SLC9C2: variants seen among roughly 807,000 people sequenced by gnomAD.
The protein encoded by SLC9C2 is solute carrier family 9 member C2 (putative), also known as sodium/hydrogen exchanger 11.
A neutral mutation model predicts 140.2 loss-of-function variants in SLC9C2; 75 were observed. The ratio of observed to expected loss-of-function variants is 0.53; its 90% CI spans 0.44 to 0.65. The LOEUF is 0.65. Ranked by LOEUF, SLC9C2 falls within the 30% of genes least tolerant of loss-of-function variation. The pLI is 0.00. For missense variants in SLC9C2, 1,074 were observed against 1,331.8 expected, an observed-to-expected ratio of 0.81 and a Z score of 3.01; for synonymous variants, 375 against 420.9, an observed-to-expected ratio of 0.89 and a Z score of 1.34.
intron 4 of SLC9C2, among the ~76,000 whole-genome samples, chr1:173,596,985 G>A (rs1173971977): frequency 1.3e-5 from 2 of 151,930 alleles, no homozygotes; most frequent in Non-Finnish European, 2.9e-5. Context: ...AGTGATAGTG[G>A]AAACTTGTTA....
At chr1:173,574,583 T>C (rs1665043500) in intron 8 of SLC9C2, among the ~76,000 whole-genome samples, 1 of 144,654 alleles carries the variant, frequency 6.9e-6, no homozygotes, top group Admixed American at 7.1e-5. Flanking sequence ...CGATCTCGGC[T>C]CACTGCAAGC....
At chr1:173,545,281 T>A (rs1340756786) in intron 13 of SLC9C2, among the ~76,000 whole-genome samples, 2 of 152,122 alleles carry the variant, frequency 1.3e-5, no homozygotes, top group Non-Finnish European at 2.9e-5. Context: ...TGTGCTAGAT[T>A]GGACAAAAAG....
At position 173,541,262 on chromosome 1, in the gene SLC9C2, C is replaced by T. The variant is rs370524389; in HGVS notation, c.1558-4223G>A. 3.5e-4 allele frequency among the ~76,000 whole-genome samples: 53 copies of T among 151,876 alleles called. No individual in the cohort carries two copies. In the Middle Eastern group the frequency reaches 0.01, roughly 29 times the overall value. On this transcript the variant is annotated intron_variant, in intron 13 of 27. Transcript: ENST00000367714. The stretch of plus-strand genomic sequence containing the variant: ...CAACAAACATCAAAAGAGACAAAGG[C>T]GGCCATTACATAATGGTAAAGGGAT...
chr1:173,502,297 A>AT (rs1659338213), intron 27 of SLC9C2, among the ~76,000 whole-genome samples: 1 of 149,406 alleles, frequency 6.7e-6, no homozygotes, highest in Non-Finnish European at 1.5e-5. Context: ...AAAAAAAAAA[A>AT]GCTGTTTATT....
chr1:173,501,002 T>C lies in SLC9C2; in HGVS notation c.*92A>G. The C allele has an allele frequency of 7.5e-7, 1 of 1,341,798 alleles. No individual in the cohort carries two copies. Among genetic ancestry groups the C allele is most frequent in the Non-Finnish European group, 9.7e-7 (1 of 1,026,106 alleles). The allele number at this position is 1,341,798 out of a possible 1,614,324, so 83.1% of individuals were successfully genotyped here. On this transcript the variant is annotated 3_prime_UTR_variant, in exon 28 of 28. Transcript: ENST00000367714. ...AAACTCCTTGCAGATAATCCTTTAG[T>C]ATTTGAGCGAGGAAAGTAGTTTGGT...
intron 9 of SLC9C2, among the ~76,000 whole-genome samples, chr1:173,559,542 A>G (rs899587436): frequency 6.6e-6 from 1 of 152,128 alleles, no homozygotes; most frequent in Non-Finnish European, 1.5e-5. Flanking sequence ...AGCACTGCAG[A>G]TCCCTTGAGG....
chr1:173,583,799 T>A (rs942141625), intron 5 of SLC9C2, among the ~76,000 whole-genome samples, 177 bp from the exon 6 acceptor site: 1 of 152,252 alleles, frequency 6.6e-6, no homozygotes, highest in Admixed American at 6.5e-5. Context: ...TTCTATATTG[T>A]GCCTCCTGCA....
At chr1:173,585,946 G>A (rs368235650) in intron 5 of SLC9C2, among the ~76,000 whole-genome samples, 7 of 151,702 alleles carry the variant, frequency 4.6e-5, no homozygotes, top group Admixed American at 4.6e-4. Flanking sequence ...CCAGCCTGGG[G>A]TATAGAGCGA....
intron 21 of SLC9C2, among the ~76,000 whole-genome samples, chr1:173,522,283 C>T (rs1313326565): frequency 6.6e-6 from 1 of 151,890 alleles, no homozygotes; most frequent in Non-Finnish European, 1.5e-5. Flanking sequence ...GAGGACTTTA[C>T]AGCAGACAGG....
Position 173,517,637 on chromosome 1 carries a change from A to G in SLC9C2, c.2807T>C (p.Met936Thr). 12 of 1,614,058 alleles carry G rather than the reference A, an allele frequency of 7.4e-6. No homozygotes were observed. Among genetic ancestry groups the G allele is most frequent in the Non-Finnish European group, 1.0e-5 (12 of 1,179,988 alleles). Residue 936 changes from methionine (M) to threonine (T), a missense_variant, in exon 23 of 28, where the codon ATG (methionine) becomes ACG (threonine). Transcript: ENST00000367714. ...CCCAGTAGTACAGAACTCTGTAAAC[A>G]TGTCTCTGGACCCTCTATCACACCT... is the stretch of plus-strand genomic sequence containing the variant. ...NQRCDRGSRD[M>T]FTEFCTTGDI...
chr1:173,534,906 T>C (rs1571493802), intron 15 of SLC9C2, among the ~76,000 whole-genome samples: 2 of 151,952 alleles, frequency 1.3e-5, no homozygotes, highest in Non-Finnish European at 2.9e-5. Context: ...AGAAGCATTT[T>C]TAAAACTCAA....
chr1:173,597,982 A>G lies in SLC9C2; in HGVS notation c.279T>C (p.Tyr93=), dbSNP rs1558102373. 1 of 1,598,946 alleles carries G rather than the reference A, an allele frequency of 6.3e-7. No homozygotes were observed. Among genetic ancestry groups the G allele is most frequent in the Admixed American group, 1.7e-5 (1 of 57,288 alleles). ...ATATAATTAAAGGTGAAAAGTAAGA[A>G]TAAAGTGAAAAACTTGATGTTCTTA... ...PLLRTSSFSL[Y]SYFSPLIIFM... Residue 93 remains tyrosine, a synonymous_variant, in exon 4 of 28, where the codon TAT becomes TAC. Transcript: ENST00000367714.
At chr1:173,532,647 T>A (rs1408888554) in intron 17 of SLC9C2, among the ~76,000 whole-genome samples, 1 of 152,156 alleles carries the variant, frequency 6.6e-6, no homozygotes, top group Non-Finnish European at 1.5e-5. Context: ...TGTATTTGGG[T>A]TACCCTGCTT....
rs762640428 is a variant in SLC9C2 at position 173,576,698 on chromosome 1, A to C, written c.865T>G (p.Leu289Val). The C allele has an allele frequency of 1.4e-5, 23 of 1,611,494 alleles. No individual in the cohort carries two copies. Among genetic ancestry groups the C allele is most frequent in the Non-Finnish European group, 2.0e-5 (23 of 1,179,436 alleles). The stretch of plus-strand genomic sequence containing the variant: ...AGTTCGATCTTCGGTTTAAAAGTTA[A>C]AGAATCTAAATTCAGTCCTACAGCG... ...LAAVGLNLDS[L>V]TFKPKIELVI... is the part of the protein sequence containing the mutation. Residue 289 changes from leucine (L) to valine (V), a missense_variant, in exon 8 of 28, where the codon TTA becomes GTA. Physicochemically the swap from Leu to Val is conservative, Grantham distance 32. Coordinates refer to ENST00000367714, the MANE Select transcript of SLC9C2 (RefSeq NM_178527.4).
At chr1:173,531,203 G>C (rs571514266) in intron 17 of SLC9C2, among the ~76,000 whole-genome samples, 1 of 152,236 alleles carries the variant, frequency 6.6e-6, no homozygotes, top group South Asian at 2.1e-4. Context: ...ACAGTTCCTG[G>C]AAAATAGTGA....
At chr1:173,602,336 A>G (rs1465081410) in intron 1 of SLC9C2, among the ~76,000 whole-genome samples, 1 of 152,154 alleles carries the variant, frequency 6.6e-6, no homozygotes, top group Non-Finnish European at 1.5e-5. Context: ...CTCCAGCCCT[A>G]ATATATCTTT....
At chr1:173,586,847 G>A (rs975356799) in intron 5 of SLC9C2, among the ~76,000 whole-genome samples, 11 of 152,158 alleles carry the variant, frequency 7.2e-5, no homozygotes, top group African/African-American at 2.7e-4. Context: ...TATGGACACA[G>A]GGAGGGAAGC....
intron 13 of SLC9C2, among the ~76,000 whole-genome samples, chr1:173,539,562 T>C (rs543688838): frequency 1.3e-5 from 2 of 152,276 alleles, no homozygotes; most frequent in South Asian, 4.1e-4. Context: ...ACTGGATTCA[T>C]GAGTCTAAAG....
rs1660506421 is a variant in SLC9C2 at position 173,517,553 on chromosome 1, C to A, written c.2891G>T (p.Cys964Phe). 1 of 1,605,066 alleles carries A rather than the reference C, an allele frequency of 6.2e-7. No homozygotes were observed. Among genetic ancestry groups the A allele is most frequent in the African/African-American group, 1.3e-5 (1 of 74,362 alleles). ...TTTTCCTACCTGTAAACTAGTTTCA[C>A]AGATGACGGTATATTCAATTTCACG... is the stretch of plus-strand genomic sequence containing the variant. ...LKREIEYTVI[C>F]ETSLQACFIS... Residue 964 changes from cysteine to phenylalanine, a missense_variant, in exon 23 of 28, where the codon TGT becomes TTT. Coordinates refer to ENST00000367714, the MANE Select transcript of SLC9C2 (RefSeq NM_178527.4).
Sources: allele counts gnomAD v4.1 joint callset (sites outside exome capture counted in the v4.1 genomes callset), GRCh38; gene constraint gnomAD v4.1.1; transcripts MANE v1.5; gene names NCBI Gene and HGNC (gene_info 2026-07-23, HGNC 2026-07-21).